Variants in MDN1 observed in about 807,000 individuals in gnomAD.
MDN1 encodes the protein midasin.
A neutral mutation model predicts 669.2 loss-of-function variants in MDN1; 266 were observed. That is an observed-to-expected ratio of 0.40 (90% CI 0.36 to 0.44). The LOEUF (loss-of-function observed/expected upper bound fraction) is 0.44. Among genes scored for constraint, MDN1 ranks in the 20% least tolerant of loss-of-function variants. MDN1 has a pLI of 1.00. For synonymous variants in MDN1, 2,385 were observed against 2,457.1 expected, an observed-to-expected ratio of 0.97 and a Z score of 0.87; for missense variants, 5,940 against 6,754.0, an observed-to-expected ratio of 0.88 and a Z score of 4.22.
intron 33 of MDN1, among the ~76,000 whole-genome samples, chr6:89,735,074 A>G (rs986109399): frequency 1.3e-5 from 2 of 152,032 alleles, no homozygotes; most frequent in Middle Eastern, 6.3e-3. Flanking sequence ...TATTTTTAGT[A>G]GAGACGGGAT....
Position 89,674,345 on chromosome 6 carries a change from C to T in MDN1, c.13006G>A (p.Gly4336Arg). ...LGQPPGPCLE[G>R]PELSKGQLCG... ...AGTTGTCCCTTGCTAAGTTCTGGTCCTTCCAGGCAGGGGCCAGGAGGCTGC... is the reference window on the plus strand; with the variant it reads ...AGTTGTCCCTTGCTAAGTTCTGGTCTTTCCAGGCAGGGGCCAGGAGGCTGC... Residue 4336 changes from glycine to arginine, a missense_variant, in exon 79 of 102, where the codon GGA (glycine) becomes AGA (arginine). Physicochemically the swap from Gly to Arg is moderately radical, Grantham distance 125. Transcript: ENST00000369393. 1.2e-6 allele frequency: 2 copies of T among 1,614,242 alleles called. No individual in the cohort carries two copies. Among genetic ancestry groups the T allele is most frequent in the South Asian group, 1.1e-5 (1 of 91,086 alleles).
intron 72 of MDN1, 104 bp downstream of exon 72, chr6:89,683,727 C>CA (rs1243283625): frequency 2.4e-6 from 2 of 834,220 alleles, no homozygotes; most frequent in African/African-American, 3.4e-5. Context: ...AGAAGTTTAA[C>CA]ACACTTAATA....
At chr6:89,646,317 G>T (rs556592698) in intron 100 of MDN1, among the ~76,000 whole-genome samples, 5 of 152,278 alleles carry the variant, frequency 3.3e-5, no homozygotes, top group Admixed American at 6.5e-5. Context: ...ACTAGTTAGT[G>T]TCTAGATCCC....
chr6:89,684,608 G>C (rs529716005), intron 71 of MDN1, among the ~76,000 whole-genome samples: 1 of 152,072 alleles, frequency 6.6e-6, no homozygotes, highest in Non-Finnish European at 1.5e-5. Context: ...GACAGGCCTG[G>C]GCAAGACCAG....
In MDN1 at chr6:89,754,234, C is replaced by T; in HGVS notation, c.2817-4G>A. The T allele has an allele frequency of 2.5e-6, 4 of 1,611,220 alleles. No individual in the cohort carries two copies. Among genetic ancestry groups the T allele is most frequent in the Non-Finnish European group, 3.4e-6 (4 of 1,178,866 alleles). ...TTTCCGCAAAGCTGTGTAGAAGCTACAAATAGAATAAAGGTCAGGCAATTT... is the reference window on the plus strand; with the variant it reads ...TTTCCGCAAAGCTGTGTAGAAGCTATAAATAGAATAAAGGTCAGGCAATTT... On this transcript the variant is annotated splice_region_variant and splice_polypyrimidine_tract_variant and intron_variant, in intron 20 of 101. Coordinates refer to ENST00000369393, the MANE Select transcript of MDN1 (RefSeq NM_014611.3).
chr6:89,710,538 A>G (rs1813825782), intron 50 of MDN1, 143 bp downstream of exon 50: 1 of 467,860 alleles, frequency 2.1e-6, no homozygotes, highest in East Asian at 3.7e-5. Context: ...AAAAAAAAAG[A>G]AGGAGAATTT....
chr6:89,698,900 C>T lies in MDN1; in HGVS notation c.9133G>A (p.Glu3045Lys). Residue 3045 changes from glutamate to lysine, a missense_variant, in exon 59 of 102, where the codon GAG becomes AAG. Around this residue, in one of 5 missense-constraint regions of MDN1, gnomAD observed 2,292 missense variants for 2,638.3 expected, o/e 0.87. Coordinates refer to ENST00000369393, the MANE Select transcript of MDN1 (RefSeq NM_014611.3). Reference sequence around the variant, plus strand: ...GAGTCCAAAACAGACTTGGGTGCCTCCCTCTGCTGCATACCAGGCAAAGGG... The same window carrying T: ...GAGTCCAAAACAGACTTGGGTGCCTTCCTCTGCTGCATACCAGGCAAAGGG... ...WNPLPGMQQR[E>K]APKSVLDSTL... 1.2e-6 allele frequency: 2 copies of T among 1,614,148 alleles called. No homozygotes were observed. The highest frequency in any genetic ancestry group is 1.7e-6 in the Non-Finnish European group (2 of 1,180,000).
chr6:89,662,791 C>T lies in MDN1; in HGVS notation c.14412+1G>A. On this transcript the variant is annotated splice_donor_variant, in intron 86 of 101. Coordinates refer to ENST00000369393, the MANE Select transcript of MDN1 (RefSeq NM_014611.3). LOFTEE classifies it high-confidence loss of function. ...TGGGAGGGGAGAAATCTTTGAATTA[C>T]CTCATCCATTCCTGGTCCTGTTTCT... 6.2e-7 allele frequency: 1 copy of T among 1,614,016 alleles called. No individual in the cohort carries two copies.
In MDN1 at chr6:89,754,018, T is replaced by C. The variant is rs1454962988; in HGVS notation, c.2964+65A>G. The C allele has an allele frequency of 4.5e-6, 7 of 1,542,772 alleles. No individual in the cohort carries two copies. The East Asian group carries it at 1.2e-4, about 25-fold the overall frequency. On this transcript the variant is annotated intron_variant, in intron 21 of 101. Coordinates refer to ENST00000369393, the MANE Select transcript of MDN1 (RefSeq NM_014611.3). ...ACAGGCAACCTGGCATATGCATCCC[T>C]ATTCCTTCCTTCCCATGAACCCATC... is the stretch of plus-strand genomic sequence containing the variant.
At chr6:89,742,731 TAC>T (rs1816357449) in intron 31 of MDN1, among the ~76,000 whole-genome samples, 1 of 152,222 alleles carries the variant, frequency 6.6e-6, no homozygotes, top group Admixed American at 6.5e-5. Context: ...GGATTCTGAC[TAC>T]AGTTCTTTCA....
chr6:89,655,880 T>C lies in MDN1; in HGVS notation c.15374A>G (p.Asp5125Gly), dbSNP rs759365536. ...ERVHKRLRTV[D>G]TDSHAEQGPA... is the part of the protein sequence containing the mutation. ...CCCCTGCTCGGCATGGCTGTCCGTA[T>C]CCACAGTCCTCAGCCTCTTGTGCAC... Residue 5125 changes from aspartate to glycine, a missense_variant, in exon 92 of 102, where the codon GAT (aspartate) becomes GGT (glycine). By Grantham distance (94) the Asp-to-Gly change is moderately conservative. This residue lies in a region of MDN1 where 2,280 missense variants were observed against 2,576.3 expected (regional missense o/e 0.88). Transcript: ENST00000369393. The C allele has an allele frequency of 1.7e-5, 27 of 1,614,130 alleles. No homozygotes were observed. The highest frequency in any genetic ancestry group is 2.0e-5 in the Non-Finnish European group (24 of 1,180,024).
rs1488994535 is a variant in MDN1, at chr6:89,762,414, G to A, written c.2261C>T (p.Thr754Ile). The change falls in exon 16 of 102, where the codon ACC (threonine) becomes ATC (isoleucine). Residue 754 changes from threonine (T) to isoleucine (I), a missense_variant. Transcript: ENST00000369393. The part of the protein sequence containing the change: ...QNFTFLGHIQ[T>I]CYRQKRWHDL... Reference sequence around the variant, plus strand: ...ATGCCACCGTTTCTGTCTGTAACAGGTCTGAATGTGCCCCAAGAACGTAAA... The same window carrying A: ...ATGCCACCGTTTCTGTCTGTAACAGATCTGAATGTGCCCCAAGAACGTAAA... 1.9e-6 allele frequency: 3 copies of A among 1,614,010 alleles called. No homozygotes were observed. The highest frequency in any genetic ancestry group is 2.5e-6 in the Non-Finnish European group (3 of 1,179,998).
Position 89,734,716 on chromosome 6 carries a change from A to AGAGAGAGAGAGAGAGAG in MDN1, c.4724-1942_4724-1941insCTCTCTCTCTCTCTCTC, listed in dbSNP as rs1562158027. Among the ~76,000 whole-genome samples the AGAGAGAGAGAGAGAGAG allele has an allele frequency of 8.2e-5, 12 of 146,800 alleles. No individual in the cohort carries two copies. In the East Asian group the frequency reaches 1.4e-3, roughly 17 times the overall value. Reference sequence around the variant, plus strand: ...AAGAGAGAGAGAGAGAGAGAGAGAGAACTCCCTGATGGAGGGACTGTGGCA... The same window carrying AGAGAGAGAGAGAGAGAG: ...AAGAGAGAGAGAGAGAGAGAGAGAGAGAGAGAGAGAGAGAGAGACTCCCTGATGGAGGGACTGTGGCA... On this transcript the variant is annotated intron_variant, in intron 33 of 101. Transcript: ENST00000369393.
chr6:89,677,239 T>G (rs1406651491), intron 76 of MDN1, among the ~76,000 whole-genome samples: 3 of 152,098 alleles, frequency 2.0e-5, no homozygotes, highest in Non-Finnish European at 1.5e-5. Flanking sequence ...ATTATAAGCA[T>G]GTGCCACCAT....
Position 89,740,259 on chromosome 6 carries a change from G to C in MDN1, c.4568C>G (p.Pro1523Arg), listed in dbSNP as rs1421946308. The change falls in exon 32 of 102, where the codon CCT becomes CGT. Residue 1523 changes from proline to arginine, a missense_variant. Around this residue, in one of 5 missense-constraint regions of MDN1, gnomAD observed 2,292 missense variants for 2,638.3 expected, o/e 0.87. Transcript: ENST00000369393. The stretch of plus-strand genomic sequence containing the variant: ...CTCCTTTTTTCCAAAGTCACCCCCA[G>C]GGTTCATGGTTGCTAGAATACGAAA... ...KKFRILATMN[P>R]GGDFGKKELS... 1.2e-6 allele frequency: 2 copies of C among 1,611,682 alleles called. No individual in the cohort carries two copies. Among genetic ancestry groups the C allele is most frequent in the African/African-American group, 2.7e-5 (2 of 74,726 alleles).
intron 40 of MDN1, among the ~76,000 whole-genome samples, chr6:89,720,309 TG>T (rs879899094): frequency 1.3e-5 from 2 of 151,010 alleles, no homozygotes; most frequent in Non-Finnish European, 2.9e-5. Flanking sequence ...CTCGGGAGGC[TG>T]AGCCAGGAGA....
intron 15 of MDN1, among the ~76,000 whole-genome samples, chr6:89,767,358 A>G (rs1157556220): frequency 1.3e-5 from 2 of 152,250 alleles, no homozygotes; most frequent in Non-Finnish European, 2.9e-5. Context: ...GATAATGGAC[A>G]CTAACAAAGA....
intron 5 of MDN1, among the ~76,000 whole-genome samples, chr6:89,791,350 G>A (rs1188452942): frequency 6.6e-6 from 1 of 151,992 alleles, no homozygotes; most frequent in Non-Finnish European, 1.5e-5. Flanking sequence ...GATATCTTAT[G>A]TTGTAATTTT....
chr6:89,659,087 G>A (rs983180305), intron 88 of MDN1, among the ~76,000 whole-genome samples, 170 bp from the exon 89 acceptor site: 1 of 152,230 alleles, frequency 6.6e-6, no homozygotes, highest in African/African-American at 2.4e-5. Context: ...TATGAAGAAA[G>A]TTCTACTGGC....
Sources: allele counts gnomAD v4.1 joint callset (sites outside exome capture counted in the v4.1 genomes callset), GRCh38; gene constraint gnomAD v4.1.1; regional missense constraint gnomAD v4.1.1; transcripts MANE v1.5; gene names NCBI Gene and HGNC (gene_info 2026-07-23, HGNC 2026-07-21).